The following KIAA1217 variants were observed in gnomAD, a reference collection of about 807,000 sequenced individuals.
The protein encoded by KIAA1217 is sickle tail protein homolog.
A neutral mutation model predicts 163.9 loss-of-function variants in KIAA1217; 88 were observed. The ratio of observed to expected loss-of-function variants is 0.54; its 90% CI spans 0.45 to 0.64. The LOEUF is 0.64. Among genes scored for constraint, KIAA1217 ranks in the 30% least tolerant of loss-of-function variants. The probability of loss-of-function intolerance (pLI) is 0.00; values close to 1 mark genes in which losing one functional copy is unlikely to be tolerated. For missense variants in KIAA1217, 2,372 were observed against 2,475.0 expected (o/e 0.96, Z 0.88); for synonymous variants, 903 against 923.1 (o/e 0.98, Z 0.39).
intron 1 of KIAA1217, among the ~76,000 whole-genome samples, chr10:23,853,299 T>C (rs1490434281): frequency 6.6e-6 from 1 of 152,220 alleles, no homozygotes; most frequent in African/African-American, 2.4e-5. Context: ...TGGTTCTGTT[T>C]ATATGCTGGA....
intron 2 of KIAA1217, among the ~76,000 whole-genome samples, chr10:24,130,463 G>A (rs16924322): frequency 6.6e-6 from 1 of 152,260 alleles, no homozygotes; most frequent in East Asian, 1.9e-4. Context: ...GTGCATCAAT[G>A]AATCCTTACT....
At chr10:23,989,758 G>A (rs138053522) in intron 1 of KIAA1217, among the ~76,000 whole-genome samples, 42 of 152,266 alleles carry the variant, frequency 2.8e-4, no homozygotes, top group Non-Finnish European at 5.4e-4. Flanking sequence ...TCAAATAACT[G>A]TAAGTTACTT....
chr10:24,089,609 T>A (rs915300822), intron 2 of KIAA1217, among the ~76,000 whole-genome samples: 4 of 151,822 alleles, frequency 2.6e-5, no homozygotes, highest in Admixed American at 2.6e-4. Context: ...TAGTTGTAGA[T>A]GTGTGGCATT....
intron 1 of KIAA1217, among the ~76,000 whole-genome samples, chr10:23,760,815 C>T (rs1442363543): frequency 6.6e-6 from 1 of 152,046 alleles, no homozygotes; most frequent in Non-Finnish European, 1.5e-5. Context: ...CAAGTATCAG[C>T]ATACGTTTAT....
intron 1 of KIAA1217, among the ~76,000 whole-genome samples, chr10:23,750,422 C>G (rs1839672530): frequency 6.6e-6 from 1 of 152,156 alleles, no homozygotes; most frequent in African/African-American, 2.4e-5. Context: ...GTGTCTGTTT[C>G]AACTGCCTAG....
intron 1 of KIAA1217, among the ~76,000 whole-genome samples, chr10:23,924,197 TACATGTGCAAGCC>T (rs57925030): frequency 0.2 from 29,852 of 150,702 alleles, 3,221 homozygotes; most frequent in Middle Eastern, 0.27. Flanking sequence ...AGTTCTAGGA[TACATGTGCAAGCC>T]ACTGTGTTTG....
chr10:23,824,356 G>A (rs1162138092), intron 1 of KIAA1217, among the ~76,000 whole-genome samples: 3 of 151,422 alleles, frequency 2.0e-5, no homozygotes, highest in Admixed American at 6.6e-5. Context: ...TAGGCCGGGC[G>A]CGGTGGCTCA....
chr10:24,143,624 T>G (rs1289539694), intron 2 of KIAA1217, among the ~76,000 whole-genome samples: 3 of 152,142 alleles, frequency 2.0e-5, no homozygotes, highest in Admixed American at 1.3e-4. Context: ...ATTCTGCTTC[T>G]GCTTCTACTT....
intron 2 of KIAA1217, among the ~76,000 whole-genome samples, chr10:24,106,467 C>A (rs2062632691): frequency 6.6e-6 from 1 of 151,674 alleles, no homozygotes; most frequent in East Asian, 1.9e-4. Context: ...TGGAAGTCCA[C>A]TCTAGCCTAC....
At chr10:24,256,182 C>A (rs2075140867) in intron 2 of KIAA1217, among the ~76,000 whole-genome samples, 1 of 152,018 alleles carries the variant, frequency 6.6e-6, no homozygotes, top group Non-Finnish European at 1.5e-5. Flanking sequence ...TCGCAAAGTG[C>A]AGATGAGGTC....
At chr10:24,452,802 G>GT (rs200444362) in intron 5 of KIAA1217, among the ~76,000 whole-genome samples, 14,188 of 151,940 alleles carry the variant, frequency 0.093, 748 homozygotes, top group East Asian at 0.18. Context: ...TAGCTGAAAT[G>GT]TTGTAACACA....
intron 1 of KIAA1217, among the ~76,000 whole-genome samples, chr10:23,950,301 A>G (rs1210472227): frequency 6.6e-6 from 1 of 152,252 alleles, no homozygotes; most frequent in Non-Finnish European, 1.5e-5. Context: ...ATGTATAAAA[A>G]GCAGCTTACA....
Position 23,756,911 on chromosome 10 carries a change from A to C in KIAA1217, c.-321+61677A>C, listed in dbSNP as rs878921599. Among the ~76,000 whole-genome samples the C allele has an allele frequency of 2.6e-5, 4 of 152,350 alleles. No individual in the cohort carries two copies. The South Asian group carries it at 8.3e-4, about 32-fold the overall frequency. On this transcript the variant is annotated intron_variant, in intron 1 of 18. Transcript: ENST00000376462. ...AAAGTCGAAATGCTATACCCATTAAACAATACTGTCTGTATGATTTCTATT... is the reference window on the plus strand; with the variant it reads ...AAAGTCGAAATGCTATACCCATTAACCAATACTGTCTGTATGATTTCTATT...
Position 24,380,939 on chromosome 10 carries a change from A to G in KIAA1217, c.425A>G (p.Glu142Gly). The part of the protein sequence containing the change: ...SLGDPVEHLS[E>G]TSADSLEAMS... ...GGTGACCCGGTCGAGCATTTATCAG[A>G]GACGTCCGCTGATTCTTTGGAAGCC... The change falls in exon 3 of 21, where the codon GAG becomes GGG. Residue 142 changes from glutamate (E) to glycine (G), a missense_variant. Transcript: ENST00000376454. 6.2e-7 allele frequency: 1 copy of G among 1,609,218 alleles called. No individual in the cohort carries two copies. Among genetic ancestry groups the G allele is most frequent in the South Asian group, 1.1e-5 (1 of 90,364 alleles).
chr10:24,096,468 A>G (rs915740922), intron 2 of KIAA1217, among the ~76,000 whole-genome samples: 3 of 152,158 alleles, frequency 2.0e-5, no homozygotes, highest in Non-Finnish European at 2.9e-5. Context: ...TCTTTTTGAA[A>G]CACAATAAAT....
At chr10:23,939,336 G>A (rs1336552498) in intron 1 of KIAA1217, among the ~76,000 whole-genome samples, 2 of 152,068 alleles carry the variant, frequency 1.3e-5, no homozygotes, top group Non-Finnish European at 2.9e-5. Context: ...CCTATACGGG[G>A]AGGCATGCAT....
intron 3 of KIAA1217, among the ~76,000 whole-genome samples, chr10:24,417,207 G>A (rs962278172): frequency 1.3e-5 from 2 of 152,016 alleles, no homozygotes; most frequent in African/African-American, 2.4e-5. Flanking sequence ...AAAAAAATCT[G>A]AGCCTCCCCC....
intron 2 of KIAA1217, among the ~76,000 whole-genome samples, chr10:24,348,836 G>A (rs559640958): frequency 1.1e-4 from 16 of 152,264 alleles, no homozygotes; most frequent in East Asian, 3.9e-4. Context: ...ACTCCCAAGG[G>A]TTGGCCCAAG....
At chr10:24,534,085 CG>C (rs2073571276) in intron 16 of KIAA1217, among the ~76,000 whole-genome samples, 1 of 152,166 alleles carries the variant, frequency 6.6e-6, no homozygotes, top group Non-Finnish European at 1.5e-5. Context: ...AGCTTTTTAC[CG>C]ACGTACCAAT....
Sources: allele counts gnomAD v4.1 joint callset (sites outside exome capture counted in the v4.1 genomes callset), GRCh38; gene constraint gnomAD v4.1.1; transcripts MANE v1.5; gene names NCBI Gene and HGNC (gene_info 2026-07-23, HGNC 2026-07-21).